CELF5: variants seen among roughly 807,000 people sequenced by gnomAD.
The protein encoded by CELF5 is CUG-BP and ETR-3 like factor 5.
Under a neutral mutation model 54.9 loss-of-function variants are expected in CELF5, and 6 were observed. That is an observed-to-expected ratio of 0.11 (90% confidence interval 0.06 to 0.22). CELF5 has a LOEUF of 0.22. CELF5 is among the 10% of genes least tolerant of loss of function. The pLI, the probability that CELF5 is intolerant of heterozygous loss-of-function variation, is 1.00. For synonymous variants in CELF5, 271 were observed against 290.9 expected (o/e 0.93, Z 0.70); for missense variants, 401 against 678.6 (o/e 0.59, Z 4.54).
intron 12 of CELF5, chr19:3,293,956 G>A (rs187085139): frequency 1.5e-3 from 229 of 157,320 alleles, no homozygotes; most frequent in African/African-American, 4.5e-3. Flanking sequence ...GGAGTGGAGC[G>A]TGGAAGGTGG....
At chr19:3,242,828 G>A (rs1434176155) in intron 1 of CELF5, among the ~76,000 whole-genome samples, 1 of 152,030 alleles carries the variant, frequency 6.6e-6, no homozygotes, top group African/African-American at 2.4e-5. Flanking sequence ...GCTGGGCTTG[G>A]TGGCAGGTAC....
intron 1 of CELF5, among the ~76,000 whole-genome samples, chr19:3,241,233 G>A (rs969380287): frequency 2.0e-5 from 3 of 151,178 alleles, no homozygotes; most frequent in Admixed American, 6.6e-5. Context: ...AAGCCACCGC[G>A]CCCAGCTAAT....
intron 8 of CELF5, 41 bp from the exon 9 acceptor site, chr19:3,284,861 C>T (rs774274729): frequency 6.3e-7 from 1 of 1,589,562 alleles, no homozygotes; most frequent in Non-Finnish European, 8.6e-7. Context: ...TGGAAGACTT[C>T]TGCTGCTCCC....
At chr19:3,240,136 G>A (rs931221480) in intron 1 of CELF5, among the ~76,000 whole-genome samples, 1 of 109,124 alleles carries the variant, frequency 9.2e-6, no homozygotes, top group Non-Finnish European at 1.9e-5. Context: ...AGCCTCCTGA[G>A]TAGCTGAGTA....
At chr19:3,280,172 G>T (rs2080124717) in intron 5 of CELF5, among the ~76,000 whole-genome samples, 1 of 152,176 alleles carries the variant, frequency 6.6e-6, no homozygotes, top group African/African-American at 2.4e-5. Context: ...AGTCACATGG[G>T]TTTCTGTCTG....
At chr19:3,225,703 C>G (rs1916868666) in intron 1 of CELF5, 1 of 508,470 alleles carries the variant, frequency 2.0e-6, no homozygotes, top group Admixed American at 6.4e-5. Flanking sequence ...GAGAGGCTCC[C>G]GTCGCTGCCC....
chr19:3,264,577 G>A (rs1038023519), intron 2 of CELF5, among the ~76,000 whole-genome samples: 8 of 151,346 alleles, frequency 5.3e-5, no homozygotes, highest in South Asian at 2.1e-4. Context: ...CACCACGCCC[G>A]GCTAATGTTT....
At chr19:3,284,516 G>C (rs1463565050) in intron 8 of CELF5, among the ~76,000 whole-genome samples, 1 of 152,158 alleles carries the variant, frequency 6.6e-6, no homozygotes, top group Non-Finnish European at 1.5e-5. Context: ...CATGTGGAGA[G>C]GGAGACGGGG....
chr19:3,262,606 A>G (rs1344216657), intron 2 of CELF5, among the ~76,000 whole-genome samples: 1 of 152,200 alleles, frequency 6.6e-6, no homozygotes, highest in African/African-American at 2.4e-5. Context: ...CATATCGGAC[A>G]GCACAAATCT....
chr19:3,225,652 G>T, intron 1 of CELF5: 1 of 951,098 alleles, frequency 1.1e-6, no homozygotes, highest in Non-Finnish European at 1.3e-6. Flanking sequence ...GGGGGCGCCC[G>T]GCTCGGGGGG....
intron 1 of CELF5, among the ~76,000 whole-genome samples, chr19:3,239,580 C>T (rs1039559196): frequency 3.3e-5 from 5 of 151,698 alleles, no homozygotes; most frequent in Admixed American, 3.3e-4. Context: ...ACTATGTTGC[C>T]CAGGCTCAGG....
intron 1 of CELF5, among the ~76,000 whole-genome samples, chr19:3,235,758 G>A (rs1197749481): frequency 2.3e-5 from 2 of 87,582 alleles, no homozygotes; most frequent in Non-Finnish European, 4.8e-5. Context: ...GGATGGATGT[G>A]TGGATGGGTG....
At chr19:3,249,582 C>A (rs1412094326) in intron 1 of CELF5, among the ~76,000 whole-genome samples, 1 of 152,080 alleles carries the variant, frequency 6.6e-6, no homozygotes, top group Non-Finnish European at 1.5e-5. Flanking sequence ...CCCTTGCCTC[C>A]CATCCCTAAT....
At chr19:3,236,624 G>C (rs1053070653) in intron 1 of CELF5, among the ~76,000 whole-genome samples, 2 of 152,114 alleles carry the variant, frequency 1.3e-5, no homozygotes, top group Non-Finnish European at 2.9e-5. Flanking sequence ...CACCACCATC[G>C]GTGCATCGTA....
chr19:3,257,330 T>C (rs974532279), intron 2 of CELF5, among the ~76,000 whole-genome samples: 1 of 151,054 alleles, frequency 6.6e-6, no homozygotes, highest in South Asian at 2.1e-4. Context: ...GGAGAGTAGG[T>C]GGAGGAGAGG....
chr19:3,263,202 ACG>A, intron 2 of CELF5, among the ~76,000 whole-genome samples: 1 of 144,222 alleles, frequency 6.9e-6, no homozygotes, highest in East Asian at 2.1e-4. Context: ...AGCCGAGATC[ACG>A]CCATTGCACT....
rs573053474 is a variant in CELF5, at chr19:3,278,290, C to A, written c.603+180C>A. Among the ~76,000 whole-genome samples, 3 of 152,238 alleles carry A rather than the reference C, an allele frequency of 2.0e-5. 1 individual carries two copies. Among genetic ancestry groups the A allele is most frequent in the Admixed American group, 2.0e-4 (3 of 15,290 alleles). On this transcript the variant is annotated intron_variant, in intron 5 of 12. Coordinates refer to ENST00000292672, the MANE Select transcript of CELF5 (RefSeq NM_021938.4). The surrounding 1 kb of genome is among the most constrained non-coding windows in gnomAD (Gnocchi z 4.5). ...GGCTGTGGTCCCTGGAGTGGGTATA[C>A]ACGTGTGAGTGTGTGCAGATGTGGA...
intron 9 of CELF5, 114 bp downstream of exon 9, chr19:3,285,078 C>A: frequency 1.3e-6 from 1 of 795,292 alleles, no homozygotes; most frequent in Non-Finnish European, 2.0e-6. Context: ...GCGCCTCCTA[C>A]CTCTGGCCCC....
Position 3,275,953 on chromosome 19 carries a change from C to T in CELF5, c.492C>T (p.Thr164=), listed in dbSNP as rs17854482. Residue 164 remains threonine (T), a synonymous_variant, in exon 4 of 13, where the codon ACC becomes ACT. Coordinates refer to ENST00000292672, the MANE Select transcript of CELF5 (RefSeq NM_021938.4). The surrounding 1 kb of genome is among the most constrained non-coding windows in gnomAD (Gnocchi z 6.7). ...FQPFGVIDEC[T]VLRGPDGSSK... ...CCTTCGGGGTCATTGACGAGTGCACCGTGCTCCGGGGGCCTGACGGCAGCA... is the reference window on the plus strand; with the variant it reads ...CCTTCGGGGTCATTGACGAGTGCACTGTGCTCCGGGGGCCTGACGGCAGCA... 1 of 1,496,662 alleles carries T rather than the reference C, an allele frequency of 6.7e-7. No individual in the cohort carries two copies. Among genetic ancestry groups the T allele is most frequent in the African/African-American group, 1.4e-5 (1 of 70,020 alleles). 92.7% of individuals were successfully genotyped at this position (1,496,662 alleles called of 1,614,324 possible).
Sources: gnomAD v4.1 joint callset for allele counts (sites outside exome capture counted in the v4.1 genomes callset) on GRCh38, gnomAD v4.1.1 for gene constraint, Gnocchi (gnomAD v3.1) non-coding constraint, MANE v1.5 for transcripts, NCBI Gene and HGNC (gene_info 2026-07-23, HGNC 2026-07-21) for gene names.